The following CDKL5 variants were observed in gnomAD, a reference collection of about 807,000 sequenced individuals.
CDKL5 encodes cyclin-dependent kinase-like 5.
CDKL5 carries 8 observed loss-of-function variants against 61.7 expected under a neutral mutation model. That is an observed-to-expected ratio of 0.13 (90% CI 0.08 to 0.23). The LOEUF (loss-of-function observed/expected upper bound fraction) is 0.23. Ranked by LOEUF, CDKL5 falls within the 10% of genes least tolerant of loss-of-function variation. The pLI is 1.00. For missense variants in CDKL5, 440 were observed against 734.5 expected (o/e 0.60, Z 4.63); for synonymous variants, 275 against 272.3 (o/e 1.01, Z -0.10).
At chrX:18,560,891 C>G (rs1044029722) in intron 3 of CDKL5, among the ~76,000 whole-genome samples, 3 of 111,300 alleles carry the variant, frequency 2.7e-5, no homozygotes, top group Non-Finnish European at 3.8e-5. Flanking sequence ...AAGAAGTGAT[C>G]TATATTGGAA....
Position 18,535,670 on chromosome X carries a change from G to A in CDKL5, c.99+24816G>A, listed in dbSNP as rs1053010989. On this transcript the variant is annotated intron_variant, in intron 3 of 17. Coordinates refer to ENST00000623535, the MANE Select transcript of CDKL5 (RefSeq NM_001323289.2). ...CATTAAGTGGACTGCTTACTCTCTC[G>A]CCCCCGGAGAAAAGCACCTTCATCA... 3 of 152,933 alleles carry A rather than the reference G, an allele frequency of 2.0e-5. No individual in the cohort carries two copies. In the East Asian group the frequency reaches 4.7e-4, roughly 24 times the overall value. 12.6% of individuals were successfully genotyped at this position (152,933 alleles called of 1,213,427 possible). A position where few individuals can be genotyped will look rare whatever the true frequency, so the allele number is the denominator to read the frequency against.
intron 1 of CDKL5, among the ~76,000 whole-genome samples, chrX:18,438,151 C>T (rs1337217428): frequency 9.0e-6 from 1 of 111,031 alleles, no homozygotes; most frequent in African/African-American, 3.3e-5. Flanking sequence ...CTGCAACCTC[C>T]GCCTCCCGAG....
At position 18,653,508 on chromosome X, in the gene CDKL5, G is replaced by C; in HGVS notation, c.3057G>C (p.Leu1019=). The C allele has an allele frequency of 2.5e-6, 3 of 1,211,904 alleles. No homozygotes were observed. The highest frequency in any genetic ancestry group is 4.3e-5 in the Admixed American group (2 of 46,042). The stretch of plus-strand genomic sequence containing the variant: ...CCCAGGTAAACCAAGCTGCGCTCCT[G>C]ACATACCATGAGAATGCGGCACTGA... Residue 1019 remains leucine (L), a synonymous_variant, in exon 22 of 22, where the codon CTG becomes CTC. Coordinates refer to the CDKL5 transcript ENST00000379989.
Position 18,647,344 on chromosome X carries a change from A to G in CDKL5, c.2797+1254A>G, listed in dbSNP as rs370600721. On this transcript the variant is annotated intron_variant, in intron 20 of 21. Coordinates refer to the CDKL5 transcript ENST00000379989. ...GTGATATGGGCATTCTGGGAAAGGA[A>G]AAAGAATTCACATTCACACATATCT... 2.8e-5 allele frequency: 34 copies of G among 1,207,297 alleles called. No homozygotes were observed. The African/African-American group carries it at 3.5e-4, about 12-fold the overall frequency.
intron 1 of CDKL5, among the ~76,000 whole-genome samples, chrX:18,478,626 A>G (rs1473626527): frequency 2.8e-5 from 3 of 105,616 alleles, no homozygotes; most frequent in African/African-American, 1.0e-4. Context: ...GTCAGCTATT[A>G]ATTTTATTGA....
At chrX:18,517,452 A>T (rs1344847768) in intron 3 of CDKL5, among the ~76,000 whole-genome samples, 2 of 111,964 alleles carry the variant, frequency 1.8e-5, no homozygotes, top group Non-Finnish European at 3.8e-5. Context: ...TTAACTTTAA[A>T]GTCCTTTTAT....
At position 18,635,408 on chromosome X, in the gene CDKL5, A is replaced by G; in HGVS notation, c.*6651A>G. The stretch of plus-strand genomic sequence containing the variant: ...TTTTGCACTGACTGATGTGACTGCC[A>G]GGCCGTCCCAATCTTGAGCACTGTG... On this transcript the variant is annotated 3_prime_UTR_variant, in exon 18 of 18. Transcript: ENST00000623535. The G allele has an allele frequency of 1.3e-6, 1 of 754,265 alleles. No individual in the cohort carries two copies. Among genetic ancestry groups the G allele is most frequent in the South Asian group, 6.7e-5 (1 of 14,848 alleles). The allele number at this position is 754,265 out of a possible 1,213,427, so 62.2% of individuals were successfully genotyped here.
In CDKL5 at chrX:18,646,077, G is replaced by A. The variant is rs369383134; in HGVS notation, c.2784G>A (p.Thr928=). The change falls in exon 20 of 22, where the codon ACG becomes ACA. Residue 928 remains threonine, a synonymous_variant. Transcript: ENST00000379989. ...AAGATAGACGCTTCATGTTAAGGAC[G>A]ACAGAACAACAAGGTAGAGTCTGGG... is the stretch of plus-strand genomic sequence containing the variant. 68 of 1,211,874 alleles carry A rather than the reference G, an allele frequency of 5.6e-5. No homozygotes were observed. The highest frequency in any genetic ancestry group is 1.1e-4 in the South Asian group (6 of 57,003).
chrX:18,532,392 C>T (rs1441849933), intron 3 of CDKL5, among the ~76,000 whole-genome samples: 1 of 107,339 alleles, frequency 9.3e-6, no homozygotes. Context: ...TTTTTTTAAC[C>T]TTCTGTAAAC....
chrX:18,470,207 G>A (rs966072174), intron 1 of CDKL5, among the ~76,000 whole-genome samples: 1 of 108,781 alleles, frequency 9.2e-6, no homozygotes, highest in Admixed American at 9.9e-5. Context: ...ATGATGGTGG[G>A]TGCCTGTAAT....
chrX:18,469,709 A>G (rs1921017308), intron 1 of CDKL5, among the ~76,000 whole-genome samples: 1 of 111,397 alleles, frequency 9.0e-6, no homozygotes, highest in African/African-American at 3.3e-5. Flanking sequence ...CAGGATTTGA[A>G]TGCTTAGTAT....
intron 1 of CDKL5, among the ~76,000 whole-genome samples, chrX:18,456,186 C>T (rs896964193): frequency 9.1e-6 from 1 of 109,930 alleles, no homozygotes; most frequent in African/African-American, 3.3e-5. Flanking sequence ...ATTACAGGTG[C>T]CCACCACCAC....
At chrX:18,444,094 G>A (rs1321912159) in intron 1 of CDKL5, 3 of 103,511 alleles carry the variant, frequency 2.9e-5, no homozygotes, top group East Asian at 3.0e-4. Flanking sequence ...TTTTTTTTGC[G>A]ATATCTCTAG....
At chrX:18,502,361 T>A (rs1485759980) in intron 1 of CDKL5, among the ~76,000 whole-genome samples, 1 of 112,137 alleles carries the variant, frequency 8.9e-6, no homozygotes, top group Non-Finnish European at 1.9e-5. Context: ...TTGTGACATC[T>A]TTTTCTCTAA....
chrX:18,459,536 T>G (rs1298272737), intron 1 of CDKL5, among the ~76,000 whole-genome samples: 2 of 107,960 alleles, frequency 1.9e-5, no homozygotes, highest in Non-Finnish European at 3.8e-5. Flanking sequence ...CACTCCGGCC[T>G]GGGCGACAGA....
At chrX:18,483,490 T>C (rs1383089604) in intron 1 of CDKL5, among the ~76,000 whole-genome samples, 1 of 110,664 alleles carries the variant, frequency 9.0e-6, no homozygotes, top group Non-Finnish European at 1.9e-5. Context: ...CAATTTTGGC[T>C]CACTGCAACC....
chrX:18,559,604 G>A (rs1297816074), intron 3 of CDKL5, among the ~76,000 whole-genome samples: 1 of 108,423 alleles, frequency 9.2e-6, no homozygotes, highest in African/African-American at 3.4e-5. Flanking sequence ...ACATGGTTCT[G>A]AAAATGACCT....
At chrX:18,619,449 T>C (rs1000154659) in intron 15 of CDKL5, among the ~76,000 whole-genome samples, 3 of 111,945 alleles carry the variant, frequency 2.7e-5, no homozygotes, top group African/African-American at 9.7e-5. Flanking sequence ...AAGTCGCTAA[T>C]AATAAACTTG....
intron 9 of CDKL5, among the ~76,000 whole-genome samples, chrX:18,590,931 A>G (rs1410344180): frequency 9.0e-6 from 1 of 111,138 alleles, no homozygotes; most frequent in East Asian, 2.8e-4. Flanking sequence ...TCTCGTACCT[A>G]TCTCCATTCC....
Sources: allele counts gnomAD v4.1 joint callset (sites outside exome capture counted in the v4.1 genomes callset), GRCh38; gene constraint gnomAD v4.1.1; transcripts MANE v1.5; gene names NCBI Gene and HGNC (gene_info 2026-07-23, HGNC 2026-07-21).